DCLK1: variants seen among roughly 807,000 people sequenced by gnomAD.
DCLK1 encodes doublecortin like kinase 1.
Under a neutral mutation model 86.2 loss-of-function variants are expected in DCLK1, and 16 were observed. The ratio of observed to expected loss-of-function variants is 0.19; its 90% CI spans 0.13 to 0.28. The LOEUF (loss-of-function observed/expected upper bound fraction) is 0.28. Among genes scored for constraint, DCLK1 ranks in the 10% least tolerant of loss-of-function variants. DCLK1 has a pLI of 1.00. For missense variants in DCLK1, 590 were observed against 940.2 expected (o/e 0.63, Z 4.87); for synonymous variants, 369 against 370.5 (o/e 1.00, Z 0.05).
At chr13:35,853,129 G>A (rs1434533880) in intron 6 of DCLK1, among the ~76,000 whole-genome samples, 1 of 152,122 alleles carries the variant, frequency 6.6e-6, no homozygotes, top group African/African-American at 2.4e-5. Context: ...AATAAATTTG[G>A]CCAATTCTTG....
At chr13:36,086,855 TTATC>T (rs1327271209) in intron 3 of DCLK1, among the ~76,000 whole-genome samples, 1 of 152,194 alleles carries the variant, frequency 6.6e-6, no homozygotes, top group African/African-American at 2.4e-5. Flanking sequence ...CACATTTTCT[TTATC>T]TAGTCTATCA....
Position 35,837,084 on chromosome 13 carries a change from G to A in DCLK1, c.1121-943C>T, listed in dbSNP as rs566009998. On this transcript the variant is annotated intron_variant, in intron 7 of 16. Coordinates refer to ENST00000360631, the MANE Select transcript of DCLK1 (RefSeq NM_001330071.2). ...AAATGCACTCCTCTTCCGACCTTTC[G>A]TCATAAACTGAGACTAAACATCTCT... is the stretch of plus-strand genomic sequence containing the variant. Among the ~76,000 whole-genome samples, 45 of 152,280 alleles carry A rather than the reference G, an allele frequency of 3.0e-4. 1 individual carries two copies. The highest frequency in any genetic ancestry group is 1.9e-3 in the Admixed American group (29 of 15,290).
intron 3 of DCLK1, among the ~76,000 whole-genome samples, chr13:35,973,456 C>T (rs148060671): frequency 2.4e-3 from 371 of 152,288 alleles, no homozygotes; most frequent in African/African-American, 8.5e-3. Context: ...CCAGATGTGC[C>T]TAAGTCCTCC....
intron 2 of DCLK1, among the ~76,000 whole-genome samples, chr13:36,121,466 CAAG>C (rs1885990514): frequency 6.6e-6 from 1 of 152,180 alleles, no homozygotes; most frequent in African/African-American, 2.4e-5. Flanking sequence ...ATCTCTATCA[CAAG>C]AAGGGCAAGT....
At chr13:36,056,845 G>A (rs527285780) in intron 3 of DCLK1, among the ~76,000 whole-genome samples, 14 of 142,034 alleles carry the variant, frequency 9.9e-5, no homozygotes, top group South Asian at 4.4e-4. Flanking sequence ...GCAGTGAGCC[G>A]AGATCGTGCC....
At chr13:35,880,028 A>G (rs186706962) in intron 4 of DCLK1, among the ~76,000 whole-genome samples, 113 of 152,244 alleles carry the variant, frequency 7.4e-4, no homozygotes, top group African/African-American at 2.3e-3. Context: ...TAACTCTTAC[A>G]TTCTTCCTCC....
intron 3 of DCLK1, among the ~76,000 whole-genome samples, chr13:35,997,641 G>A (rs1237192412): frequency 6.6e-6 from 1 of 152,134 alleles, no homozygotes; most frequent in African/African-American, 2.4e-5. Context: ...TTCTCATACA[G>A]AACATTCCAA....
At chr13:36,063,340 G>A (rs976138097) in intron 3 of DCLK1, among the ~76,000 whole-genome samples, 1 of 152,134 alleles carries the variant, frequency 6.6e-6, no homozygotes, top group African/African-American at 2.4e-5. Flanking sequence ...CAATGCTGAA[G>A]AGCCAGAGAG....
At chr13:36,011,651 G>A (rs1593815450) in intron 3 of DCLK1, among the ~76,000 whole-genome samples, 1 of 152,080 alleles carries the variant, frequency 6.6e-6, no homozygotes, top group East Asian at 1.9e-4. Flanking sequence ...TTCCAACTAT[G>A]TGGTCAGTTT....
intron 4 of DCLK1, among the ~76,000 whole-genome samples, chr13:35,934,593 T>C (rs1215201170): frequency 6.6e-6 from 1 of 152,094 alleles, no homozygotes; most frequent in Admixed American, 6.6e-5. Context: ...AGAGCAGTAT[T>C]GGGGAAACTG....
At chr13:36,098,902 G>A (rs1244416500) in intron 3 of DCLK1, among the ~76,000 whole-genome samples, 1 of 151,906 alleles carries the variant, frequency 6.6e-6, no homozygotes, top group African/African-American at 2.4e-5. Flanking sequence ...AGAGTACAGG[G>A]ACTAATTTTA....
intron 3 of DCLK1, among the ~76,000 whole-genome samples, chr13:35,947,991 T>C (rs1400322335): frequency 6.6e-6 from 1 of 152,214 alleles, no homozygotes; most frequent in Non-Finnish European, 1.5e-5. Context: ...AGCTATTGCT[T>C]AGGCTTAGAG....
intron 6 of DCLK1, chr13:35,849,125 C>G: frequency 1.0e-6 from 1 of 985,310 alleles, no homozygotes; most frequent in South Asian, 4.7e-5. Context: ...GCTAAGTTTT[C>G]AAATGCTGTT....
rs543272599 is a variant in DCLK1, at chr13:36,040,937, T to C, written c.723+70932A>G. 2.0e-5 allele frequency among the ~76,000 whole-genome samples: 3 copies of C among 152,280 alleles called. No individual in the cohort carries two copies. The South Asian group carries it at 6.2e-4, about 32-fold the overall frequency. On this transcript the variant is annotated intron_variant, in intron 3 of 16. Transcript: ENST00000360631. ...TATCTCCATCATTATGGGTTTGTTT[T>C]ATTTTGTTTTTATTTTAGCACTTGC...
At chr13:35,993,130 C>T (rs1322450780) in intron 3 of DCLK1, among the ~76,000 whole-genome samples, 1 of 152,194 alleles carries the variant, frequency 6.6e-6, no homozygotes, top group African/African-American at 2.4e-5. Flanking sequence ...CTGTCATATG[C>T]ATCTGCTTCT....
At chr13:35,896,459 A>C (rs1453971809) in intron 4 of DCLK1, among the ~76,000 whole-genome samples, 8 of 146,046 alleles carry the variant, frequency 5.5e-5, no homozygotes, top group Non-Finnish European at 1.2e-4. Flanking sequence ...AATCGCTTGA[A>C]CTCGGAAGCC....
chr13:35,808,302 C>T lies in DCLK1; in HGVS notation c.1785G>A (p.Glu595=), dbSNP rs1436725421. The change falls in exon 14 of 17, where the codon GAG becomes GAA. Residue 595 remains glutamate (E), a synonymous_variant. Transcript: ENST00000360631. The part of the protein sequence containing the change: ...PPFRGSGDDQ[E]VLFDQILMGQ... Reference sequence around the variant, plus strand: ...CCATCAAAATCTGATCAAAAAGCACCTCCTGGTCATCACCACTTCTGTTTA... The same window carrying T: ...CCATCAAAATCTGATCAAAAAGCACTTCCTGGTCATCACCACTTCTGTTTA... 3 of 1,614,090 alleles carry T rather than the reference C, an allele frequency of 1.9e-6. No individual in the cohort carries two copies. The highest frequency in any genetic ancestry group is 1.1e-5 in the South Asian group (1 of 91,084).
intron 3 of DCLK1, among the ~76,000 whole-genome samples, chr13:35,960,480 T>C (rs964900139): frequency 6.6e-6 from 1 of 152,196 alleles, no homozygotes. Flanking sequence ...TTGTTTTATT[T>C]ATTCATTTGT....
intron 3 of DCLK1, among the ~76,000 whole-genome samples, chr13:35,964,407 A>G (rs1202012722): frequency 6.6e-6 from 1 of 152,258 alleles, no homozygotes; most frequent in East Asian, 1.9e-4. Context: ...GCATGAATGC[A>G]GGATTTAAGA....
Sources: gnomAD v4.1 joint callset for allele counts (sites outside exome capture counted in the v4.1 genomes callset) on GRCh38, gnomAD v4.1.1 for gene constraint, MANE v1.5 for transcripts, NCBI Gene and HGNC (gene_info 2026-07-23, HGNC 2026-07-21) for gene names.